The following GRIN2C variants were observed in gnomAD, a reference collection of about 807,000 sequenced individuals.
GRIN2C encodes the protein glutamate ionotropic receptor NMDA type subunit 2C.
GRIN2C carries 64 observed loss-of-function variants against 77.7 expected under a neutral mutation model. The ratio of observed to expected loss-of-function variants is 0.82; its 90% confidence interval spans 0.67 to 1.01. The LOEUF (loss-of-function observed/expected upper bound fraction) is 1.01, where lower values mean the gene tolerates loss of function less well. Among genes scored for constraint, GRIN2C ranks in the 50% least tolerant of loss-of-function variants. The pLI is 0.00. For missense variants in GRIN2C, 1,549 were observed against 1,486.0 expected, an observed-to-expected ratio of 1.04 and a Z score of -0.70; for synonymous variants, 792 against 643.4, an observed-to-expected ratio of 1.23 and a Z score of -3.49.
chr17:74,852,659 T>G, intron 2 of GRIN2C, 48 bp from the exon 3 acceptor site: 1 of 827,478 alleles, frequency 1.2e-6, no homozygotes, highest in Non-Finnish European at 1.7e-6. Context: ...GAGCCCCTCC[T>G]CCCGCCCCTT....
chr17:74,848,189 G>A (rs536255874), intron 7 of GRIN2C, among the ~76,000 whole-genome samples: 57 of 150,650 alleles, frequency 3.8e-4, no homozygotes, highest in Non-Finnish European at 5.9e-4. Context: ...GTCTCCCCCC[G>A]CCCCCCACTT....
In GRIN2C at chr17:74,850,175, G is replaced by A. The variant is rs756699222; in HGVS notation, c.1491+31C>T. 9 of 1,609,708 alleles carry A rather than the reference G, an allele frequency of 5.6e-6. No homozygotes were observed. Among genetic ancestry groups the A allele is most frequent in the Non-Finnish European group, 6.8e-6 (8 of 1,178,124 alleles). Reference sequence around the variant, plus strand: ...CCTGGGCAGCAGGTGGGCAGGCAGGGCAGGTGAGGAGGGAGTGGGGTGGGG... The same window carrying A: ...CCTGGGCAGCAGGTGGGCAGGCAGGACAGGTGAGGAGGGAGTGGGGTGGGG... On this transcript the variant is annotated intron_variant, in intron 6 of 12. Coordinates refer to ENST00000293190, the MANE Select transcript of GRIN2C (RefSeq NM_000835.6). This position sits in a 1 kb window ranked among gnomAD's most constrained non-coding sequence, Gnocchi z 5.3.
At chr17:74,856,159 C>G (rs531085301) in intron 1 of GRIN2C, among the ~76,000 whole-genome samples, 1 of 152,214 alleles carries the variant, frequency 6.6e-6, no homozygotes, top group Admixed American at 6.5e-5. Context: ...GGAGTGGTGC[C>G]CACGGATGTC....
rs2037584569 is a variant in GRIN2C, at chr17:74,849,993, A to G, written c.1492-60T>C. 1.3e-6 allele frequency: 2 copies of G among 1,549,276 alleles called. No homozygotes were observed. Among genetic ancestry groups the G allele is most frequent in the Admixed American group, 1.8e-5 (1 of 54,368 alleles). On this transcript the variant is annotated intron_variant, in intron 6 of 12. Coordinates refer to ENST00000293190, the MANE Select transcript of GRIN2C (RefSeq NM_000835.6). The surrounding 1 kb of genome is among the most constrained non-coding windows in gnomAD (Gnocchi z 4.6). ...GGCTCCCGTGGGGTGGACACGCTGCACAGGCACCTCCAGACACCCCTTCTA... is the reference window on the plus strand; with the variant it reads ...GGCTCCCGTGGGGTGGACACGCTGCGCAGGCACCTCCAGACACCCCTTCTA...
chr17:74,850,311 G>C lies in GRIN2C; in HGVS notation c.1386C>G (p.Leu462=), dbSNP rs1053498347. 6 of 1,613,710 alleles carry C rather than the reference G, an allele frequency of 3.7e-6. No homozygotes were observed. The South Asian group carries it at 4.4e-5, about 12-fold the overall frequency. The change falls in exon 6 of 13, where the codon CTC becomes CTG. Residue 462 remains leucine, a synonymous_variant. Transcript: ENST00000293190. This position sits in a 1 kb window ranked among gnomAD's most constrained non-coding sequence, Gnocchi z 5.3. The stretch of plus-strand genomic sequence containing the variant: ...ATTTGACCACTCTGGCCAGCTTCTT[G>C]AGGATGTCGATGCAGAATCCCTTAC... ...LCCKGFCIDI[L]KKLARVVKFS...
Position 74,844,325 on chromosome 17 carries a change from T to C in GRIN2C, c.2534A>G (p.His845Arg). 1 of 1,614,018 alleles carries C rather than the reference T, an allele frequency of 6.2e-7. No individual in the cohort carries two copies. Among genetic ancestry groups the C allele is most frequent in the East Asian group, 2.2e-5 (1 of 44,868 alleles). The change falls in exon 12 of 13, where the codon CAC (histidine) becomes CGC (arginine). Residue 845 changes from histidine (H) to arginine (R), a missense_variant. By Grantham distance (29) the His-to-Arg change is conservative. Coordinates refer to ENST00000293190, the MANE Select transcript of GRIN2C (RefSeq NM_000835.6). ...WEHLVYWKLR[H>R]SVPNSSQLDF... ...CAGCTGGGATGAGTTGGGCACCGAG[T>C]GGCGCAGCTTCCAGTAGACCAGGTG...
chr17:74,861,502 T>A (rs2037955819), upstream of GRIN2C: 1 of 151,434 alleles, frequency 6.6e-6, no homozygotes, highest in Admixed American at 6.6e-5. Flanking sequence ...TCCCAGAGCC[T>A]CGGCCCCGGA....
chr17:74,852,397 G>A lies in GRIN2C; in HGVS notation c.614C>T (p.Pro205Leu), dbSNP rs112085039. 15 of 1,459,976 alleles carry A rather than the reference G, an allele frequency of 1.0e-5. No homozygotes were observed. The highest frequency in any genetic ancestry group is 7.4e-5 in the African/African-American group (5 of 67,626). 90.4% of individuals were successfully genotyped at this position (1,459,976 alleles called of 1,614,324 possible). A position where few individuals can be genotyped will look rare whatever the true frequency, so the allele number is the denominator to read the frequency against. The change falls in exon 3 of 13, where the codon CCG (proline) becomes CTG (leucine). Residue 205 changes from proline to leucine, a missense_variant. Around this residue, in one of 3 missense-constraint regions of GRIN2C, gnomAD observed 382 missense variants for 360.0 expected, o/e 1.06. Coordinates refer to ENST00000293190, the MANE Select transcript of GRIN2C (RefSeq NM_000835.6). ...LLDVVTLELG[P>L]GGPRARTQRL... The stretch of plus-strand genomic sequence containing the variant: ...CTGCGTGCGCGCGCGCGGCCCTCCC[G>A]GGCCCAGCTCCAGCGTGACCACGTC...
At chr17:74,856,545 C>A (rs906819800) in intron 1 of GRIN2C, among the ~76,000 whole-genome samples, 7 of 147,976 alleles carry the variant, frequency 4.7e-5, no homozygotes, top group Admixed American at 2.7e-4. Flanking sequence ...GTGGTGCGAT[C>A]TCGGCTCACT....
At chr17:74,845,233 C>T (rs1462748049) in intron 11 of GRIN2C, among the ~76,000 whole-genome samples, 2 of 144,740 alleles carry the variant, frequency 1.4e-5, no homozygotes, top group African/African-American at 5.1e-5. Flanking sequence ...CCTGGCCGCT[C>T]TCATTATTAT....
Position 74,847,218 on chromosome 17 carries a change from C to T in GRIN2C, c.2001+90G>A, listed in dbSNP as rs989016444. On this transcript the variant is annotated intron_variant, in intron 9 of 12. Transcript: ENST00000293190. The surrounding 1 kb of genome is among the most constrained non-coding windows in gnomAD (Gnocchi z 5.2). ...CTGCCCCAGCCTCCAGGTCAAATTCCCCAGACTCGACTGTCCAGGGCCTGC... is the reference window on the plus strand; with the variant it reads ...CTGCCCCAGCCTCCAGGTCAAATTCTCCAGACTCGACTGTCCAGGGCCTGC... 2.4e-5 allele frequency: 25 copies of T among 1,037,894 alleles called. No individual in the cohort carries two copies. The highest frequency in any genetic ancestry group is 3.5e-5 in the Non-Finnish European group (24 of 688,020). The allele number at this position is 1,037,894 out of a possible 1,614,324, so 64.3% of individuals were successfully genotyped here.
Position 74,846,629 on chromosome 17 carries a change from A to C in GRIN2C, c.2162+131T>G. 1.0e-6 allele frequency: 1 copy of C among 972,884 alleles called. No homozygotes were observed. Among genetic ancestry groups the C allele is most frequent in the Non-Finnish European group, 1.5e-6 (1 of 662,790 alleles). 60.3% of individuals were successfully genotyped at this position (972,884 alleles called of 1,614,324 possible). ...TTTGCCTCAAGCTCCACTCTGCCCCAAGACCTCTTCCCTCCACCCCACAGG... is the reference window on the plus strand; with the variant it reads ...TTTGCCTCAAGCTCCACTCTGCCCCCAGACCTCTTCCCTCCACCCCACAGG... On this transcript the variant is annotated intron_variant, in intron 10 of 12. Coordinates refer to ENST00000293190, the MANE Select transcript of GRIN2C (RefSeq NM_000835.6). The surrounding 1 kb of genome is among the most constrained non-coding windows in gnomAD (Gnocchi z 4.4).
In GRIN2C at chr17:74,849,952, G is replaced by A. The variant is rs370513873; in HGVS notation, c.1492-19C>T. ...AGTACACCTGGGGGCCGGACGCCACGGAGGTTTGAAAAAGGGGCTCCCGTG... is the reference window on the plus strand; with the variant it reads ...AGTACACCTGGGGGCCGGACGCCACAGAGGTTTGAAAAAGGGGCTCCCGTG... On this transcript the variant is annotated intron_variant, in intron 6 of 12. Transcript: ENST00000293190. The surrounding 1 kb of genome is among the most constrained non-coding windows in gnomAD (Gnocchi z 4.6). The A allele has an allele frequency of 4.4e-5, 71 of 1,604,416 alleles. No homozygotes were observed. The highest frequency in any genetic ancestry group is 3.4e-4 in the Middle Eastern group (2 of 5,906).
At position 74,852,064 on chromosome 17, in the gene GRIN2C, TC is replaced by T; in HGVS notation, c.946del (p.Asp316ThrfsTer21). 8.2e-6 allele frequency: 12 copies of T among 1,457,522 alleles called. No homozygotes were observed. Among genetic ancestry groups the T allele is most frequent in the Non-Finnish European group, 1.0e-5 (11 of 1,103,610 alleles). 90.3% of individuals were successfully genotyped at this position (1,457,522 alleles called of 1,614,324 possible). A position where few individuals can be genotyped will look rare whatever the true frequency, so the allele number is the denominator to read the frequency against. ...QHGTLPAPAG[D>X]CRVHPGPVSP... ...GACGGGCCCAGGGTGAACACGGCAG[TC>T]CCCGGCCGGGGCTGGCAGGGTTCCA... On this transcript the variant is annotated frameshift_variant, in exon 3 of 13. Transcript: ENST00000293190. LOFTEE classifies it high-confidence loss of function.
rs1357176274 is a variant in GRIN2C at position 74,843,203 on chromosome 17, CG to C, written c.2933del (p.Pro978ArgfsTer233). ...GCGGCCCCGGCGTCGGGGGGCGGCC[CG>C]GGGGCTGCGGAGCCCTGCGCACAAG... ...AALVRRAPQP[P>X]GRPPTPGPPL... On this transcript the variant is annotated frameshift_variant, in exon 13 of 13. Transcript: ENST00000293190. LOFTEE classifies it low-confidence loss of function (END_TRUNC). 1 of 419,924 alleles carries C rather than the reference CG, an allele frequency of 2.4e-6. No homozygotes were observed. Among genetic ancestry groups the C allele is most frequent in the Non-Finnish European group, 3.9e-6 (1 of 254,710 alleles). 26.0% of individuals were successfully genotyped at this position (419,924 alleles called of 1,614,324 possible).
chr17:74,847,173 G>A lies in GRIN2C; in HGVS notation c.2001+135C>T. 1.3e-6 allele frequency: 1 copy of A among 765,942 alleles called. No homozygotes were observed. The highest frequency in any genetic ancestry group is 2.1e-6 in the Non-Finnish European group (1 of 473,992). 47.4% of individuals were successfully genotyped at this position (765,942 alleles called of 1,614,324 possible). A position where few individuals can be genotyped will look rare whatever the true frequency, so the allele number is the denominator to read the frequency against. On this transcript the variant is annotated intron_variant, in intron 9 of 12. Transcript: ENST00000293190. The surrounding 1 kb of genome is among the most constrained non-coding windows in gnomAD (Gnocchi z 5.2). ...TGCCCCAGCCCCCAACCCCTTCTCA[G>A]CAGGCCCTGAAGCTTCTTCCTGCCC...
chr17:74,860,515 C>T (rs1288384449), upstream of GRIN2C: 6 of 456,458 alleles, frequency 1.3e-5, no homozygotes, highest in Admixed American at 2.3e-5. Context: ...CTTTGCTCCG[C>T]GTGTCCCCGC....
upstream of GRIN2C, chr17:74,860,701 C>G: frequency 8.5e-6 from 3 of 351,886 alleles, no homozygotes; most frequent in South Asian, 6.3e-5. Context: ...CTCTGGAAGC[C>G]CGGGAGCCGG....
At position 74,849,003 on chromosome 17, in the gene GRIN2C, G is replaced by A. The variant is rs1034691843; in HGVS notation, c.1645+777C>T. Among the ~76,000 whole-genome samples the A allele has an allele frequency of 6.6e-6, 1 of 150,902 alleles. No individual in the cohort carries two copies. The highest frequency in any genetic ancestry group is 1.5e-5 in the Non-Finnish European group (1 of 67,754). ...ACTGCAGTCCAGCCTGGGTGACAGA[G>A]GAACACCCTGTCTCAAAAAAAAAAA... On this transcript the variant is annotated intron_variant, in intron 7 of 12. Transcript: ENST00000293190. The surrounding 1 kb of genome is among the most constrained non-coding windows in gnomAD (Gnocchi z 4.6).
Sources: gnomAD v4.1 joint callset for allele counts (sites outside exome capture counted in the v4.1 genomes callset) on GRCh38, gnomAD v4.1.1 for gene constraint, gnomAD v4.1.1 regional missense constraint, Gnocchi (gnomAD v3.1) non-coding constraint, MANE v1.5 for transcripts, NCBI Gene and HGNC (gene_info 2026-07-23, HGNC 2026-07-21) for gene names.